The following CDKN2A variants were observed in gnomAD, a reference collection of about 807,000 sequenced individuals.
CDKN2A encodes cyclin dependent kinase inhibitor 2A.
Under a neutral mutation model 11.1 loss-of-function variants are expected in CDKN2A, and 3 were observed. The observed-to-expected ratio is 0.27, with a 90% CI of 0.12 to 0.70. CDKN2A has a LOEUF of 0.70. Among genes scored for constraint, CDKN2A ranks in the 30% least tolerant of loss-of-function variants. The pLI, the probability that CDKN2A is intolerant of heterozygous loss-of-function variation, is 0.77. For synonymous variants in CDKN2A, 122 were observed against 108.1 expected, an observed-to-expected ratio of 1.13 and a Z score of -0.80; for missense variants, 265 against 233.6, an observed-to-expected ratio of 1.13 and a Z score of -0.88.
At chr9:21,970,677 T>C (rs1249350160) in intron 2 of CDKN2A, 1 of 636,316 alleles carries the variant, frequency 1.6e-6, no homozygotes, top group Non-Finnish European at 2.8e-6. Context: ...AAGTATAATG[T>C]ACAAAATGGG....
In CDKN2A at chr9:21,991,951, A is replaced by G; in HGVS notation, c.-4+1931T>C. The G allele has an allele frequency of 1.0e-6, 1 of 983,082 alleles. No individual in the cohort carries two copies. The highest frequency in any genetic ancestry group is 1.2e-6 in the Non-Finnish European group (1 of 827,726). 60.9% of individuals were successfully genotyped at this position (983,082 alleles called of 1,614,324 possible). ...TGAGCCTTCTGAAGTAGCTATAAACAAATGAATATTTAACTTCATAATAAA... is the reference window on the plus strand; with the variant it reads ...TGAGCCTTCTGAAGTAGCTATAAACGAATGAATATTTAACTTCATAATAAA... On this transcript the variant is annotated intron_variant, in intron 2 of 3. Coordinates refer to the CDKN2A transcript ENST00000494262. This position sits in a 1 kb window ranked among gnomAD's most constrained non-coding sequence, Gnocchi z 5.2.
rs1391433416 is a variant in CDKN2A at position 21,974,312 on chromosome 9, G to C, written c.150+366C>G. On this transcript the variant is annotated intron_variant, in intron 1 of 2. Transcript: ENST00000304494. The surrounding 1 kb of genome is among the most constrained non-coding windows in gnomAD (Gnocchi z 5.2). The stretch of plus-strand genomic sequence containing the variant: ...GCTCCATCCAGGTATCTGTGAATTG[G>C]AGGCTAAGTAGTCCCAGCACATCTT... The C allele has an allele frequency of 6.8e-6, 7 of 1,027,374 alleles. No individual in the cohort carries two copies. The highest frequency in any genetic ancestry group is 9.3e-6 in the Non-Finnish European group (7 of 750,094). 63.6% of individuals were successfully genotyped at this position (1,027,374 alleles called of 1,614,324 possible). A position where few individuals can be genotyped will look rare whatever the true frequency, so the allele number is the denominator to read the frequency against.
At chr9:21,990,651 A>AGAGAGAGAGAGAG (rs1464228871) in intron 2 of CDKN2A, among the ~76,000 whole-genome samples, 164 of 147,720 alleles carry the variant, frequency 1.1e-3, no homozygotes, top group South Asian at 1.9e-3. Flanking sequence ...AGAGAGAGAG[A>AGAGAGAGAGAGAG]AACTGTTTAC....
chr9:21,968,349 G>T lies in CDKN2A; in HGVS notation c.458-107C>A. The T allele has an allele frequency of 1.3e-6, 2 of 1,526,630 alleles. No homozygotes were observed. The highest frequency in any genetic ancestry group is 1.8e-6 in the Non-Finnish European group (2 of 1,111,874). 94.6% of individuals were successfully genotyped at this position (1,526,630 alleles called of 1,614,324 possible). On this transcript the variant is annotated intron_variant, in intron 2 of 2. Coordinates refer to ENST00000304494, the MANE Select transcript of CDKN2A (RefSeq NM_000077.5). The surrounding 1 kb of genome is among the most constrained non-coding windows in gnomAD (Gnocchi z 4.7). ...CCCTACCGGCATTGAAATACTTATGGATAAAGTTCTCGCAATGGCTTCACG... is the reference window on the plus strand; with the variant it reads ...CCCTACCGGCATTGAAATACTTATGTATAAAGTTCTCGCAATGGCTTCACG...
intron 2 of CDKN2A, among the ~76,000 whole-genome samples, chr9:21,985,271 T>A (rs560537461): frequency 1.3e-5 from 2 of 152,102 alleles, no homozygotes; most frequent in South Asian, 4.1e-4. Flanking sequence ...CAAGTCAATT[T>A]AGCCTTAAGA....
At chr9:21,974,916 C>A (rs2131115107), upstream of CDKN2A, 10 of 1,435,562 alleles carry the variant, frequency 7.0e-6, no homozygotes, top group Non-Finnish European at 9.1e-6. The surrounding 1 kb of genome is among the most constrained non-coding windows in gnomAD (Gnocchi z 5.2). Context: ...GACCAGCCAG[C>A]CCCTCCTCTT....
rs1377159790 is a variant in CDKN2A, at chr9:21,971,203, C to T, written c.156G>A (p.Met52Ile). 1 of 1,597,720 alleles carries T rather than the reference C, an allele frequency of 6.3e-7. No homozygotes were observed. Among genetic ancestry groups the T allele is most frequent in the Admixed American group, 1.7e-5 (1 of 59,878 alleles). Reference protein sequence around the residue: ...NSYGRRPIQVMMMGSARVAEL... With the variant: ...NSYGRRPIQVIMMGSARVAEL... Reference sequence around the variant, plus strand: ...CCGCCACTCGGGCGCTGCCCATCATCATGACCTGCCAGAGAGAACAGAATG... The same window carrying T: ...CCGCCACTCGGGCGCTGCCCATCATTATGACCTGCCAGAGAGAACAGAATG... Residue 52 changes from methionine to isoleucine, a missense_variant, in exon 2 of 3, where the codon ATG (methionine) becomes ATA (isoleucine). Met to Ile is a conservative substitution (Grantham distance 10). Coordinates refer to ENST00000304494, the MANE Select transcript of CDKN2A (RefSeq NM_000077.5).
intron 2 of CDKN2A, among the ~76,000 whole-genome samples, chr9:21,992,793 C>G (rs1368314006): frequency 6.6e-6 from 1 of 151,772 alleles, no homozygotes. Context: ...CATACAGTTA[C>G]CGGTCACAGT....
chr9:21,976,785 C>A (rs1820046477), upstream of CDKN2A, among the ~76,000 whole-genome samples: 1 of 152,120 alleles, frequency 6.6e-6, no homozygotes, highest in Non-Finnish European at 1.5e-5. Context: ...AGATTATGGG[C>A]ACCCTCCACC....
chr9:21,983,106 T>A (rs1820231779), intron 2 of CDKN2A, among the ~76,000 whole-genome samples: 1 of 152,132 alleles, frequency 6.6e-6, no homozygotes, highest in Non-Finnish European at 1.5e-5. Flanking sequence ...CAGAAACTAC[T>A]GTGCTTCTAT....
Position 21,994,269 on chromosome 9 carries a change from C to T in CDKN2A, c.-175-216G>A. On this transcript the variant is annotated intron_variant, in intron 1 of 3. Coordinates refer to the CDKN2A transcript ENST00000494262. ...GCCGCGGGATGTGAACCACGAAAACCCTCACTCGCGGCGGGCCGCACGCGC... is the reference window on the plus strand; with the variant it reads ...GCCGCGGGATGTGAACCACGAAAACTCTCACTCGCGGCGGGCCGCACGCGC... The T allele has an allele frequency of 6.2e-7, 1 of 1,605,148 alleles. No homozygotes were observed. Among genetic ancestry groups the T allele is most frequent in the South Asian group, 1.1e-5 (1 of 90,912 alleles).
chr9:21,987,432 C>CACAG lies in CDKN2A; in HGVS notation c.-4+6449_-4+6450insCTGT, dbSNP rs1311413150. Among the ~76,000 whole-genome samples the CACAG allele has an allele frequency of 5.7e-3, 789 of 138,238 alleles. 10 individuals carry two copies. The highest frequency in any genetic ancestry group is 0.02 in the African/African-American group (725 of 36,750). 90.7% of individuals were successfully genotyped at this position (138,238 alleles called of 152,430 possible). A position where few individuals can be genotyped will look rare whatever the true frequency, so the allele number is the denominator to read the frequency against. ...ACACACACACACACACACACACACA[C>CACAG]AGAGAGAGAGAGAGAGAGAGAGAGA... On this transcript the variant is annotated intron_variant, in intron 2 of 3. Coordinates refer to the CDKN2A transcript ENST00000494262.
chr9:21,968,433 G>A lies in CDKN2A; in HGVS notation c.458-191C>T. On this transcript the variant is annotated intron_variant, in intron 2 of 2. Transcript: ENST00000304494. The surrounding 1 kb of genome is among the most constrained non-coding windows in gnomAD (Gnocchi z 4.7). ...TCCCTGGTCCAGCAGCTAGTCCACTGCCCGCCTGGCTGCTCCAGGCGCGCC... is the reference window on the plus strand; with the variant it reads ...TCCCTGGTCCAGCAGCTAGTCCACTACCCGCCTGGCTGCTCCAGGCGCGCC... The A allele has an allele frequency of 6.7e-7, 1 of 1,502,454 alleles. No individual in the cohort carries two copies. Among genetic ancestry groups the A allele is most frequent in the Non-Finnish European group, 8.9e-7 (1 of 1,127,496 alleles). 93.1% of individuals were successfully genotyped at this position (1,502,454 alleles called of 1,614,324 possible). A position where few individuals can be genotyped will look rare whatever the true frequency, so the allele number is the denominator to read the frequency against.
At chr9:21,992,515 T>C in intron 2 of CDKN2A, 3 of 703,588 alleles carry the variant, frequency 4.3e-6, no homozygotes, top group Non-Finnish European at 5.2e-6. Context: ...TCAATGAACC[T>C]ATCATTTAAA....
Position 21,968,622 on chromosome 9 carries a change from C to A in CDKN2A, c.458-380G>T. On this transcript the variant is annotated intron_variant, in intron 2 of 2. Coordinates refer to ENST00000304494, the MANE Select transcript of CDKN2A (RefSeq NM_000077.5). The surrounding 1 kb of genome is among the most constrained non-coding windows in gnomAD (Gnocchi z 4.7). Reference sequence around the variant, plus strand: ...AGATGTGGCCTTTCCCTTCCCGCATCCCCAGGCATCTTTTGCACCTGGTGC... The same window carrying A: ...AGATGTGGCCTTTCCCTTCCCGCATACCCAGGCATCTTTTGCACCTGGTGC... 6.6e-7 allele frequency: 1 copy of A among 1,514,332 alleles called. No homozygotes were observed. Among genetic ancestry groups the A allele is most frequent in the South Asian group, 1.2e-5 (1 of 80,600 alleles). The allele number at this position is 1,514,332 out of a possible 1,614,324, so 93.8% of individuals were successfully genotyped here. A position where few individuals can be genotyped will look rare whatever the true frequency, so the allele number is the denominator to read the frequency against.
Position 21,974,720 on chromosome 9 carries a change from C to G in CDKN2A, c.108G>C (p.Ala36=), listed in dbSNP as rs1587339774. Residue 36 remains alanine (A), a synonymous_variant, in exon 1 of 3, where the codon GCG becomes GCC. Coordinates refer to ENST00000304494, the MANE Select transcript of CDKN2A (RefSeq NM_000077.5). This position sits in a 1 kb window ranked among gnomAD's most constrained non-coding sequence, Gnocchi z 5.2. The part of the protein sequence containing the change: ...EEVRALLEAG[A]LPNAPNSYGR... ...CGTAACTATTCGGTGCGTTGGGCAG[C>G]GCCCCCGCCTCCAGCAGCGCCCGCA... 3.1e-6 allele frequency: 5 copies of G among 1,610,936 alleles called. No homozygotes were observed. Among genetic ancestry groups the G allele is most frequent in the Non-Finnish European group, 4.2e-6 (5 of 1,179,686 alleles).
chr9:21,994,644 G>T (rs1007519702), intron 1 of CDKN2A: 1 of 366,044 alleles, frequency 2.7e-6, no homozygotes, highest in Non-Finnish European at 4.9e-6. Context: ...CAGGGCCCGC[G>T]TTCCTCTCCC....
At position 21,974,739 on chromosome 9, in the gene CDKN2A, G is replaced by A. The variant is rs879254078; in HGVS notation, c.89C>T (p.Ala30Val). The stretch of plus-strand genomic sequence containing the variant: ...GGGCAGCGCCCCCGCCTCCAGCAGC[G>A]CCCGCACCTCCTCTACCCGACCCCG... ...AARGRVEEVR[A>V]LLEAGALPNA... The change falls in exon 1 of 3, where the codon GCG becomes GTG. Residue 30 changes from alanine (A) to valine (V), a missense_variant. Coordinates refer to ENST00000304494, the MANE Select transcript of CDKN2A (RefSeq NM_000077.5). This position sits in a 1 kb window ranked among gnomAD's most constrained non-coding sequence, Gnocchi z 5.2. 1.9e-6 allele frequency: 3 copies of A among 1,611,922 alleles called. No individual in the cohort carries two copies. Among genetic ancestry groups the A allele is most frequent in the South Asian group, 1.1e-5 (1 of 91,030 alleles).
rs876659307 is a variant in CDKN2A, at chr9:21,970,916, G to A, written c.443C>T (p.Ala148Val). ...TCAGTCCTCACCTGAGGGACCTTCC[G>A]CGGCATCTATGCGGGCATGGTTACT... ...RGSNHARIDAAEGPSDIPD is the reference protein window; with the variant it reads ...RGSNHARIDAVEGPSDIPD Residue 148 changes from alanine to valine, a missense_variant, in exon 2 of 3, where the codon GCG (alanine) becomes GTG (valine). Physicochemically the swap from Ala to Val is moderately conservative, Grantham distance 64. Coordinates refer to ENST00000304494, the MANE Select transcript of CDKN2A (RefSeq NM_000077.5). The A allele has an allele frequency of 3.1e-6, 5 of 1,612,130 alleles. No individual in the cohort carries two copies. The African/African-American group carries it at 5.3e-5, about 17-fold the overall frequency.
Sources: allele counts gnomAD v4.1 joint callset (sites outside exome capture counted in the v4.1 genomes callset), GRCh38; gene constraint gnomAD v4.1.1; non-coding constraint Gnocchi (gnomAD v3.1); transcripts MANE v1.5; gene names NCBI Gene and HGNC (gene_info 2026-07-23, HGNC 2026-07-21).